MACC1: variants seen among roughly 807,000 people sequenced by gnomAD.
The protein encoded by MACC1 is metastasis-associated in colon cancer protein 1.
A neutral mutation model predicts 70.7 loss-of-function variants in MACC1; 79 were observed. The ratio of observed to expected loss-of-function variants is 1.12; its 90% CI spans 0.93 to 1.35. The LOEUF (loss-of-function observed/expected upper bound fraction) is 1.35, where lower values mean the gene tolerates loss of function less well. Among genes scored for constraint, MACC1 ranks in the 40% most tolerant of loss-of-function variants. MACC1 has a pLI of 0.00. For synonymous variants in MACC1, 361 were observed against 347.2 expected, an observed-to-expected ratio of 1.04 and a Z score of -0.44; for missense variants, 1,106 against 978.1, an observed-to-expected ratio of 1.13 and a Z score of -1.74.
At chr7:20,185,876 A>T (rs534954422) in intron 1 of MACC1, among the ~76,000 whole-genome samples, 1 of 152,208 alleles carries the variant, frequency 6.6e-6, no homozygotes. Flanking sequence ...ACTGAGATAC[A>T]TAGAGATTAA....
At chr7:20,142,749 T>A (rs1428883896) in intron 6 of MACC1, among the ~76,000 whole-genome samples, 1 of 152,194 alleles carries the variant, frequency 6.6e-6, no homozygotes, top group Non-Finnish European at 1.5e-5. Context: ...ACAAATAGAT[T>A]ATTCTGTAGT....
intron 1 of MACC1, among the ~76,000 whole-genome samples, chr7:20,182,180 G>C (rs574741382): frequency 2.0e-4 from 28 of 141,672 alleles, no homozygotes; most frequent in African/African-American, 7.2e-4. Context: ...ATCACCCACT[G>C]GGGACTGTTG....
chr7:20,185,289 T>A (rs1033146467), intron 1 of MACC1, among the ~76,000 whole-genome samples: 3 of 152,154 alleles, frequency 2.0e-5, no homozygotes, highest in African/African-American at 7.2e-5. Context: ...CTTGAGATAT[T>A]TATTCTTGCA....
In MACC1 at chr7:20,138,008, C is replaced by G. The variant is rs1781740394; in HGVS notation, c.*2938G>C. 6.6e-6 allele frequency: 1 copy of G among 151,676 alleles called. No homozygotes were observed. Among genetic ancestry groups the G allele is most frequent in the South Asian group, 2.1e-4 (1 of 4,794 alleles). The allele number at this position is 151,676 out of a possible 1,614,324, so 9.4% of individuals were successfully genotyped here. On this transcript the variant is annotated 3_prime_UTR_variant, in exon 7 of 7. Transcript: ENST00000400331. ...TCTCCACTAAAAATACAAAAATTACCCGGACAAGGTGGTGCATGCCTGTAA... is the reference window on the plus strand; with the variant it reads ...TCTCCACTAAAAATACAAAAATTACGCGGACAAGGTGGTGCATGCCTGTAA...
intron 1 of MACC1, among the ~76,000 whole-genome samples, chr7:20,180,908 T>G (rs994193983): frequency 1.6e-4 from 24 of 151,960 alleles, no homozygotes; most frequent in African/African-American, 5.6e-4. Flanking sequence ...AAATATAAAT[T>G]GGCAAATGTT....
At chr7:20,177,503 A>G (rs1406911063) in intron 1 of MACC1, among the ~76,000 whole-genome samples, 1 of 151,966 alleles carries the variant, frequency 6.6e-6, no homozygotes, top group African/African-American at 2.4e-5. Context: ...TGTGAAGGTT[A>G]TATTTTCTTA....
intron 1 of MACC1, among the ~76,000 whole-genome samples, chr7:20,200,511 AG>A (rs1270696000): frequency 6.6e-6 from 1 of 152,260 alleles, no homozygotes; most frequent in East Asian, 1.9e-4. Context: ...AAAATTTAAC[AG>A]GCAAGAGTGC....
intron 6 of MACC1, among the ~76,000 whole-genome samples, chr7:20,152,148 G>C (rs1376346184): frequency 2.6e-5 from 4 of 152,112 alleles, no homozygotes; most frequent in African/African-American, 9.7e-5. Flanking sequence ...AGAGAAAGAA[G>C]TTAAAGGAGA....
At position 20,140,744 on chromosome 7, in the gene MACC1, AAC is replaced by A. The variant is rs375438368; in HGVS notation, c.*200_*201del. The A allele has an allele frequency of 1.2e-4, 50 of 428,122 alleles. No individual in the cohort carries two copies. The highest frequency in any genetic ancestry group is 8.7e-4 in the African/African-American group (43 of 49,236). The allele number at this position is 428,122 out of a possible 1,614,324, so 26.5% of individuals were successfully genotyped here. The stretch of plus-strand genomic sequence containing the variant: ...GGCTGTGCTTTCATCAGGAAAAAAA[AAC>A]TGGTTTTGAGCATGAAGAAAATTAA... On this transcript the variant is annotated 3_prime_UTR_variant, in exon 7 of 7. Transcript: ENST00000400331.
chr7:20,157,277 T>A (rs1042387923), intron 5 of MACC1, among the ~76,000 whole-genome samples: 4 of 152,140 alleles, frequency 2.6e-5, no homozygotes, highest in Admixed American at 2.0e-4. Context: ...TTTATTTTTA[T>A]AAAATATTGA....
At chr7:20,202,718 C>T (rs1404257822) in intron 1 of MACC1, among the ~76,000 whole-genome samples, 3 of 152,174 alleles carry the variant, frequency 2.0e-5, no homozygotes, top group Non-Finnish European at 4.4e-5. Flanking sequence ...GAACATACTT[C>T]ATGTGGCTGT....
At chr7:20,179,679 T>C (rs1562593800) in intron 1 of MACC1, among the ~76,000 whole-genome samples, 3 of 46,282 alleles carry the variant, frequency 6.5e-5, no homozygotes, top group Non-Finnish European at 1.1e-4. Context: ...GGAGTTGTTG[T>C]TTTTTTTGTT....
At chr7:20,157,500 A>G (rs1190571738) in intron 5 of MACC1, among the ~76,000 whole-genome samples, 1 of 151,912 alleles carries the variant, frequency 6.6e-6, no homozygotes, top group African/African-American at 2.4e-5. Flanking sequence ...AAAAAAAGAA[A>G]CAGCCAGGTG....
At chr7:20,180,163 G>A (rs1782479761) in intron 1 of MACC1, among the ~76,000 whole-genome samples, 2 of 152,160 alleles carry the variant, frequency 1.3e-5, no homozygotes, top group Non-Finnish European at 2.9e-5. Flanking sequence ...TATAGGCAAT[G>A]GCCAGGCATG....
At chr7:20,186,648 C>T (rs3095217) in intron 1 of MACC1, among the ~76,000 whole-genome samples, 3 of 151,308 alleles carry the variant, frequency 2.0e-5, no homozygotes, top group Non-Finnish European at 3.0e-5. Flanking sequence ...GTTTGAGGAA[C>T]CTGAATTAGT....
At chr7:20,143,535 C>T (rs745533864) in intron 6 of MACC1, among the ~76,000 whole-genome samples, 10 of 152,118 alleles carry the variant, frequency 6.6e-5, no homozygotes, top group African/African-American at 2.2e-4. Context: ...ATTACAGGCA[C>T]GCGCCACCAC....
At chr7:20,216,136 C>G (rs1286413314) in intron 1 of MACC1, among the ~76,000 whole-genome samples, 1 of 152,106 alleles carries the variant, frequency 6.6e-6, no homozygotes, top group Non-Finnish European at 1.5e-5. Context: ...ACCTGAAATT[C>G]ATCATTATCA....
intron 1 of MACC1, among the ~76,000 whole-genome samples, chr7:20,179,578 G>C (rs1194933025): frequency 2.0e-5 from 3 of 152,190 alleles, no homozygotes; most frequent in African/African-American, 7.2e-5. Context: ...CTGGTGAACA[G>C]TTCAGTTCCT....
At position 20,159,505 on chromosome 7, in the gene MACC1, G is replaced by C; in HGVS notation, c.856C>G (p.Leu286Val). The change falls in exon 5 of 7, where the codon CTT becomes GTT. Residue 286 changes from leucine to valine, a missense_variant. By Grantham distance (32) the Leu-to-Val change is conservative. Transcript: ENST00000400331. ...GCCCCAATTTTCATCTCCAGCAAAA[G>C]GGCTTCCATTGTATTGAGGTTGCCT... ...MLGNLNTMEA[L>V]LLEMKIGAEV... The C allele has an allele frequency of 6.2e-6, 10 of 1,614,042 alleles. No homozygotes were observed. The highest frequency in any genetic ancestry group is 8.5e-6 in the Non-Finnish European group (10 of 1,180,002).
Sources: gnomAD v4.1 joint callset for allele counts (sites outside exome capture counted in the v4.1 genomes callset) on GRCh38, gnomAD v4.1.1 for gene constraint, MANE v1.5 for transcripts, NCBI Gene and HGNC (gene_info 2026-07-23, HGNC 2026-07-21) for gene names.